The following RNF43 variants were observed in gnomAD, a reference collection of about 807,000 sequenced individuals.
RNF43 encodes the protein ring finger protein 43.
RNF43 carries 37 observed loss-of-function variants against 78.4 expected under a neutral mutation model. The observed-to-expected ratio is 0.47, with a 90% CI of 0.36 to 0.62. The LOEUF (loss-of-function observed/expected upper bound fraction) is 0.62, where lower values mean the gene tolerates loss of function less well. Ranked by LOEUF, RNF43 falls within the 20% of genes least tolerant of loss-of-function variation. RNF43 has a pLI of 0.00. For missense variants in RNF43, 774 were observed against 1,007.9 expected (o/e 0.77, Z 3.14); for synonymous variants, 347 against 395.0 (o/e 0.88, Z 1.44).
At chr17:58,377,002 G>A (rs1973217642) in intron 2 of RNF43, among the ~76,000 whole-genome samples, 1 of 152,046 alleles carries the variant, frequency 6.6e-6, no homozygotes, top group Non-Finnish European at 1.5e-5. Flanking sequence ...TCGGTGGTGT[G>A]TGTTGTATTT....
chr17:58,358,829 A>G lies in RNF43; in HGVS notation c.953-6T>C, dbSNP rs943932769. On this transcript the variant is annotated splice_region_variant and splice_polypyrimidine_tract_variant and intron_variant, in intron 8 of 9. Transcript: ENST00000407977. This position sits in a 1 kb window ranked among gnomAD's most constrained non-coding sequence, Gnocchi z 6.2. ...CTGGGAAAATGAATCTCCCTCTGGA[A>G]AAAAGAACCAAGAGCACAGATGTTT... The G allele has an allele frequency of 6.1e-6, 9 of 1,484,772 alleles. No individual in the cohort carries two copies. The highest frequency in any genetic ancestry group is 8.0e-6 in the Non-Finnish European group (9 of 1,121,424). The allele number at this position is 1,484,772 out of a possible 1,614,324, so 92.0% of individuals were successfully genotyped here.
Position 58,415,922 on chromosome 17 carries a change from C to T in RNF43, c.-345G>A. 1 of 374,406 alleles carries T rather than the reference C, an allele frequency of 2.7e-6. No individual in the cohort carries two copies. The highest frequency in any genetic ancestry group is 5.0e-6 in the Non-Finnish European group (1 of 201,730). 23.2% of individuals were successfully genotyped at this position (374,406 alleles called of 1,614,324 possible). On this transcript the variant is annotated 5_prime_UTR_variant, in exon 2 of 10. Coordinates refer to ENST00000407977, the MANE Select transcript of RNF43 (RefSeq NM_017763.6). ...TTCGTGAATTTGTATTATGTCAGAT[C>T]ACTTGGCATTGCTCTTCCATATGCA...
rs762997961 is a variant in RNF43 at position 58,355,933 on chromosome 17, T to C, written c.2309-947A>G. 1.8e-4 allele frequency among the ~76,000 whole-genome samples: 28 copies of C among 152,246 alleles called. No individual in the cohort carries two copies. In the Middle Eastern group the frequency reaches 0.01, roughly 55 times the overall value. ...AGTACTGGACTTGAAAAGAACATGA[T>C]AAAGCTAGCCAAGATACAGTTAACA... is the stretch of plus-strand genomic sequence containing the variant. On this transcript the variant is annotated intron_variant, in intron 9 of 9. Coordinates refer to ENST00000407977, the MANE Select transcript of RNF43 (RefSeq NM_017763.6).
At chr17:58,386,955 T>A (rs947273640) in intron 2 of RNF43, among the ~76,000 whole-genome samples, 7 of 152,172 alleles carry the variant, frequency 4.6e-5, no homozygotes, top group Non-Finnish European at 1.0e-4. Flanking sequence ...GCCTGGCCTA[T>A]ACTCTCACTT....
intron 3 of RNF43, among the ~76,000 whole-genome samples, chr17:58,370,065 T>TG (rs972638610): frequency 1.0e-5 from 1 of 98,020 alleles, no homozygotes; most frequent in Non-Finnish European, 2.3e-5. Context: ...TCTGAGTTTT[T>TG]TTTTTTTTTT....
chr17:58,370,840 A>C, intron 3 of RNF43, 71 bp downstream of exon 3: 1 of 1,426,448 alleles, frequency 7.0e-7, no homozygotes, highest in Non-Finnish European at 9.3e-7. Flanking sequence ...GGGACAAGAG[A>C]GCACAGGGTC....
At position 58,354,951 on chromosome 17, in the gene RNF43, C is replaced by A; in HGVS notation, c.2344G>T (p.Ala782Ser). Residue 782 changes from alanine to serine, a missense_variant, in exon 10 of 10, where the codon GCT becomes TCT. Coordinates refer to ENST00000407977, the MANE Select transcript of RNF43 (RefSeq NM_017763.6). ...EEELEELCEQ[A>S]V ...AGCTAGGCCTGAACATCTCACACAG[C>A]CTGTTCACACAGCTCCTCGAGTTCC... 6.2e-7 allele frequency: 1 copy of A among 1,614,118 alleles called. No individual in the cohort carries two copies. Among genetic ancestry groups the A allele is most frequent in the Non-Finnish European group, 8.5e-7 (1 of 1,179,962 alleles).
chr17:58,369,068 T>TAC (rs369670104), intron 3 of RNF43, among the ~76,000 whole-genome samples: 7,609 of 144,956 alleles, frequency 0.052, 261 homozygotes, highest in African/African-American at 0.11. Flanking sequence ...CTCTCTCTCA[T>TAC]ACACACACAC....
intron 2 of RNF43, among the ~76,000 whole-genome samples, chr17:58,396,499 A>C (rs1231764602): frequency 6.6e-6 from 1 of 152,178 alleles, no homozygotes; most frequent in Non-Finnish European, 1.5e-5. Flanking sequence ...CAATTAACTA[A>C]AATAATGAGT....
chr17:58,376,368 G>C (rs567464117), intron 2 of RNF43, among the ~76,000 whole-genome samples: 2 of 86,114 alleles, frequency 2.3e-5, no homozygotes, highest in South Asian at 6.0e-4. Context: ...TGTTAGATTT[G>C]ATAAAAAAAA....
chr17:58,361,937 A>AT (rs765013555), intron 6 of RNF43, among the ~76,000 whole-genome samples: 3 of 152,002 alleles, frequency 2.0e-5, no homozygotes, highest in Non-Finnish European at 4.4e-5. Flanking sequence ...AACCCTGTTA[A>AT]TTTTTACTAA....
At position 58,358,303 on chromosome 17, in the gene RNF43, A is replaced by G. The variant is rs2143411124; in HGVS notation, c.1473T>C (p.His491=). Residue 491 remains histidine (H), a synonymous_variant, in exon 9 of 10, where the codon CAT becomes CAC. Transcript: ENST00000407977. The surrounding 1 kb of genome is among the most constrained non-coding windows in gnomAD (Gnocchi z 6.2). ...AGCTGCAGAAAGTAGAACTGCTGCC[A>G]TGGACCCCCTGTAGGCTGATGTCCG... The part of the protein sequence containing the change: ...NCTDISLQGV[H]GSSSTFCSSL... 6.2e-7 allele frequency: 1 copy of G among 1,614,178 alleles called. No homozygotes were observed. Among genetic ancestry groups the G allele is most frequent in the East Asian group, 2.2e-5 (1 of 44,882 alleles).
rs755206268 is a variant in RNF43 at position 58,354,892 on chromosome 17, G to A, written c.*51C>T. 6.4e-7 allele frequency: 1 copy of A among 1,552,530 alleles called. No homozygotes were observed. Among genetic ancestry groups the A allele is most frequent in the Non-Finnish European group, 8.9e-7 (1 of 1,123,888 alleles). On this transcript the variant is annotated 3_prime_UTR_variant, in exon 10 of 10. Coordinates refer to ENST00000407977, the MANE Select transcript of RNF43 (RefSeq NM_017763.6). ...AGGAGCAGGACTCTGTGCCAGGTAG[G>A]GCCCAAACACATCTGGAGCACACTC...
intron 2 of RNF43, among the ~76,000 whole-genome samples, chr17:58,387,261 G>A (rs182431566): frequency 6.6e-6 from 1 of 152,234 alleles, no homozygotes; most frequent in East Asian, 1.9e-4. Flanking sequence ...CCTGCTTGAG[G>A]AGATATCATA....
intron 2 of RNF43, among the ~76,000 whole-genome samples, chr17:58,380,962 T>C (rs1262933695): frequency 1.3e-5 from 2 of 152,130 alleles, no homozygotes; most frequent in Admixed American, 6.5e-5. Context: ...CTCAATGAAA[T>C]CTTCTATGCT....
chr17:58,390,883 C>A (rs1409886350), intron 2 of RNF43, among the ~76,000 whole-genome samples: 1 of 152,208 alleles, frequency 6.6e-6, no homozygotes, highest in Non-Finnish European at 1.5e-5. Flanking sequence ...TTTCCCTGAT[C>A]ACTCTTCTCC....
chr17:58,383,878 A>G (rs1973377457), intron 2 of RNF43, among the ~76,000 whole-genome samples: 1 of 152,182 alleles, frequency 6.6e-6, no homozygotes, highest in African/African-American at 2.4e-5. Context: ...TTGACCTCCC[A>G]AAGTGCTGGG....
chr17:58,386,366 G>T (rs943369340), intron 2 of RNF43, among the ~76,000 whole-genome samples: 8 of 149,382 alleles, frequency 5.4e-5, no homozygotes, highest in African/African-American at 1.7e-4. Flanking sequence ...GTGGAGGGTT[G>T]CAGTGAGCTG....
At chr17:58,387,000 G>A (rs140114919) in intron 2 of RNF43, among the ~76,000 whole-genome samples, 61 of 152,128 alleles carry the variant, frequency 4.0e-4, no homozygotes, top group African/African-American at 1.3e-3. Context: ...TTATAATCCC[G>A]CATAGCACAA....
Sources: allele counts gnomAD v4.1 joint callset (sites outside exome capture counted in the v4.1 genomes callset), GRCh38; gene constraint gnomAD v4.1.1; non-coding constraint Gnocchi (gnomAD v3.1); transcripts MANE v1.5; gene names NCBI Gene and HGNC (gene_info 2026-07-23, HGNC 2026-07-21).